The following SV2A variants were observed in gnomAD, a reference collection of about 807,000 sequenced individuals.
The protein encoded by SV2A is synaptic vesicle glycoprotein 2A.
In SV2A, 25 loss-of-function variants were observed where a neutral mutation model predicts 78.0. The observed-to-expected ratio is 0.32, with a 90% CI of 0.23 to 0.45. The LOEUF (loss-of-function observed/expected upper bound fraction) is 0.45. Ranked by LOEUF, SV2A falls within the 20% of genes least tolerant of loss-of-function variation. The probability of loss-of-function intolerance (pLI) is 1.00; values close to 1 mark genes in which losing one functional copy is unlikely to be tolerated. For synonymous variants in SV2A, 355 were observed against 384.7 expected (o/e 0.92, Z 0.90); for missense variants, 752 against 971.5 (o/e 0.77, Z 3.00).
Position 149,904,463 on chromosome 1 carries a change from CA to C in SV2A, c.*550del, listed in dbSNP as rs2092419876. 1 of 152,958 alleles carries C rather than the reference CA, an allele frequency of 6.5e-6. No homozygotes were observed. The highest frequency in any genetic ancestry group is 1.5e-5 in the Non-Finnish European group (1 of 68,286). 9.5% of individuals were successfully genotyped at this position (152,958 alleles called of 1,614,324 possible). A position where few individuals can be genotyped will look rare whatever the true frequency, so the allele number is the denominator to read the frequency against. On this transcript the variant is annotated 3_prime_UTR_variant, in exon 13 of 13. Coordinates refer to ENST00000369146, the MANE Select transcript of SV2A (RefSeq NM_014849.5). ...TCATAAAATTCAGGCTTCATATTTG[CA>C]GCCCAAATTGAGAGGAAAGTGGAGG...
intron 10 of SV2A, chr1:149,907,062 A>C: frequency 3.4e-6 from 3 of 882,628 alleles, no homozygotes; most frequent in Non-Finnish European, 4.1e-6. Context: ...TCTGTCCAAC[A>C]GTGTGACTTT....
In SV2A at chr1:149,909,846, A is replaced by C. The variant is rs141726737; in HGVS notation, c.1134T>G (p.His378Gln). Residue 378 changes from histidine to glutamine, a missense_variant, in exon 6 of 13, where the codon CAT (histidine) becomes CAG (glutamine). Coordinates refer to ENST00000369146, the MANE Select transcript of SV2A (RefSeq NM_014849.5). ...DEAWMVLKQV[H>Q]DTNMRAKGHP... ...GTCCTTTGGCTCGCATGTTGGTATC[A>C]TGGACCTGCTTCAGCACCATCCAGG... is the stretch of plus-strand genomic sequence containing the variant. The C allele has an allele frequency of 6.2e-7, 1 of 1,613,966 alleles. No homozygotes were observed. The highest frequency in any genetic ancestry group is 8.5e-7 in the Non-Finnish European group (1 of 1,179,996).
Position 149,909,468 on chromosome 1 carries a change from C to G in SV2A, c.1283G>C (p.Gly428Ala), listed in dbSNP as rs782532343. The G allele has an allele frequency of 1.8e-5, 29 of 1,613,596 alleles. No homozygotes were observed. Among genetic ancestry groups the G allele is most frequent in the Middle Eastern group, 1.6e-4 (1 of 6,084 alleles). ...QRWGVRALSL[G>A]GQVWGNFLSC... ...CACCCCGTCCACCATTACCTGCCCC[C>G]CTAGGCTCAAGGCCCGGACCCCCCA... Residue 428 changes from glycine (G) to alanine (A), a missense_variant, in exon 7 of 13, where the codon GGG becomes GCG. This residue lies in a region of SV2A where 136 missense variants were observed against 132.3 expected (regional missense o/e 1.03). Coordinates refer to ENST00000369146, the MANE Select transcript of SV2A (RefSeq NM_014849.5).
chr1:149,906,654 C>T lies in SV2A; in HGVS notation c.1881G>A (p.Met627Ile). 2 of 1,614,156 alleles carry T rather than the reference C, an allele frequency of 1.2e-6. No homozygotes were observed. The highest frequency in any genetic ancestry group is 1.7e-6 in the Non-Finnish European group (2 of 1,180,026). ...GACTCAGCCTCTCCCCCTTACCAAG[C>T]ATTCTGAGCCTGCCGATCTTGTCCA... ...LLMDKIGRLR[M>I]LAGSSVMSCV... The change falls in exon 11 of 13, where the codon ATG (methionine) becomes ATA (isoleucine). Residue 627 changes from methionine (M) to isoleucine (I), a missense_variant. Around this residue, in one of 7 missense-constraint regions of SV2A, gnomAD observed 186 missense variants for 274.6 expected, o/e 0.68. Transcript: ENST00000369146.
rs2092464349 is a variant in SV2A at position 149,909,856 on chromosome 1, T to A, written c.1124A>T (p.Lys375Met). Residue 375 changes from lysine (K) to methionine (M), a missense_variant, in exon 6 of 13, where the codon AAG becomes ATG. Coordinates refer to ENST00000369146, the MANE Select transcript of SV2A (RefSeq NM_014849.5). ...TCGCATGTTGGTATCATGGACCTGC[T>A]TCAGCACCATCCAGGCCTCATCATG... ...GKHDEAWMVL[K>M]QVHDTNMRAK... is the part of the protein sequence containing the mutation. The A allele has an allele frequency of 6.2e-7, 1 of 1,614,082 alleles. No individual in the cohort carries two copies. The highest frequency in any genetic ancestry group is 2.2e-5 in the East Asian group (1 of 44,874).
intron 1 of SV2A, among the ~76,000 whole-genome samples, chr1:149,915,442 A>T (rs2092506549): frequency 5.3e-5 from 8 of 152,204 alleles, no homozygotes; most frequent in Admixed American, 5.2e-4. Context: ...AACCCAAGTA[A>T]AGTGGAGGAA....
In SV2A at chr1:149,909,530, A is replaced by G. The variant is rs781891472; in HGVS notation, c.1221T>C (p.Ile407=). The stretch of plus-strand genomic sequence containing the variant: ...AGGTCCCTGTGTCCGACTGGATCTC[A>G]ATCAATTCATCCTCCTGATGAATCG... ...IKTIHQEDEL[I]EIQSDTGTWY... Residue 407 remains isoleucine, a synonymous_variant, in exon 7 of 13, where the codon ATT becomes ATC. Transcript: ENST00000369146. 6 of 1,613,910 alleles carry G rather than the reference A, an allele frequency of 3.7e-6. No individual in the cohort carries two copies. Among genetic ancestry groups the G allele is most frequent in the Non-Finnish European group, 3.4e-6 (4 of 1,179,960 alleles).
chr1:149,909,724 G>A (rs2092463285), intron 6 of SV2A, 77 bp downstream of exon 6: 2 of 1,504,664 alleles, frequency 1.3e-6, no homozygotes, highest in Non-Finnish European at 1.8e-6. Context: ...TCTGAGGTGG[G>A]GGGTACTCAG....
In SV2A at chr1:149,913,797, G is replaced by A. The variant is rs782574888; in HGVS notation, c.44C>T (p.Ala15Val). 1 of 1,613,304 alleles carries A rather than the reference G, an allele frequency of 6.2e-7. No homozygotes were observed. Among genetic ancestry groups the A allele is most frequent in the Admixed American group, 1.7e-5 (1 of 59,986 alleles). The change falls in exon 2 of 13, where the codon GCC (alanine) becomes GTC (valine). Residue 15 changes from alanine to valine, a missense_variant. This residue lies in a region of SV2A where 291 missense variants were observed against 359.5 expected (regional missense o/e 0.81). Coordinates refer to ENST00000369146, the MANE Select transcript of SV2A (RefSeq NM_014849.5). ...FRDRAAFIRG[A>V]KDIAKEVKKH... ...TTTGACTTCCTTAGCAATGTCTTTGGCCCCACGGATGAAAGCTGCCCGGTC... is the reference window on the plus strand; with the variant it reads ...TTTGACTTCCTTAGCAATGTCTTTGACCCCACGGATGAAAGCTGCCCGGTC...
rs200597235 is a variant in SV2A at position 149,907,739 on chromosome 1, G to A, written c.1639C>T (p.Arg547Cys). The part of the protein sequence containing the change: ...EDVTSSNTFF[R>C]NCTFINTVFY... Reference sequence around the variant, plus strand: ...ACAGTGTTGATGAATGTGCAGTTGCGGAAAAACGTGTTGCTGGATGTGACA... The same window carrying A: ...ACAGTGTTGATGAATGTGCAGTTGCAGAAAAACGTGTTGCTGGATGTGACA... The change falls in exon 10 of 13, where the codon CGC becomes TGC. Residue 547 changes from arginine to cysteine, a missense_variant. By Grantham distance (180) the Arg-to-Cys change is radical. This residue lies in a region of SV2A where 186 missense variants were observed against 274.6 expected (regional missense o/e 0.68). Coordinates refer to ENST00000369146, the MANE Select transcript of SV2A (RefSeq NM_014849.5). 26 of 1,614,066 alleles carry A rather than the reference G, an allele frequency of 1.6e-5. No homozygotes were observed. The highest frequency in any genetic ancestry group is 2.2e-5 in the East Asian group (1 of 44,882).
Position 149,909,811 on chromosome 1 carries a change from C to T in SV2A, c.1169G>A (p.Arg390Gln), listed in dbSNP as rs781813901. The T allele has an allele frequency of 3.3e-5, 53 of 1,613,718 alleles. No individual in the cohort carries two copies. The highest frequency in any genetic ancestry group is 4.2e-5 in the Non-Finnish European group (50 of 1,180,018). Residue 390 changes from arginine to glutamine, a missense_variant, in exon 6 of 13, where the codon CGA becomes CAA. Arg to Gln is a conservative substitution (Grantham distance 43, BLOSUM62 1). Around this residue, in one of 7 missense-constraint regions of SV2A, gnomAD observed 136 missense variants for 132.3 expected, o/e 1.03. Coordinates refer to ENST00000369146, the MANE Select transcript of SV2A (RefSeq NM_014849.5). ...AGGGCTGTGGCTTACTGAGAACACTCGCTCAGGATGTCCTTTGGCTCGCAT... is the reference window on the plus strand; with the variant it reads ...AGGGCTGTGGCTTACTGAGAACACTTGCTCAGGATGTCCTTTGGCTCGCAT... ...TNMRAKGHPE[R>Q]VFSVTHIKTI...
Position 149,917,152 on chromosome 1 carries a change from C to G in SV2A, c.-348+587G>C, listed in dbSNP as rs587768957. On this transcript the variant is annotated intron_variant, in intron 1 of 12. Coordinates refer to ENST00000369146, the MANE Select transcript of SV2A (RefSeq NM_014849.5). ...ACCTTCACTCAACATCCCTTCCCCC[C>G]ACCCCGGAGCAACTGCCGCCAGCCC... 5.9e-5 allele frequency among the ~76,000 whole-genome samples: 9 copies of G among 152,100 alleles called. No individual in the cohort carries two copies. The South Asian group carries it at 1.7e-3, about 28-fold the overall frequency.
Position 149,913,576 on chromosome 1 carries a change from C to A in SV2A, c.265G>T (p.Glu89Ter). ...ASSDATEGHD[E>*]DDEIYEGEYQ... The stretch of plus-strand genomic sequence containing the variant: ...TCCCCTTCATAGATCTCATCATCCT[C>A]GTCATGGCCCTCAGTAGCATCACTG... The change falls in exon 2 of 13, where the codon GAG becomes TAG. Residue 89 changes from glutamate to a stop codon, truncating the protein, a stop_gained. Transcript: ENST00000369146. LOFTEE classifies it high-confidence loss of function. 1 of 1,614,106 alleles carries A rather than the reference C, an allele frequency of 6.2e-7. No individual in the cohort carries two copies. Among genetic ancestry groups the A allele is most frequent in the Non-Finnish European group, 8.5e-7 (1 of 1,180,024 alleles).
At chr1:149,912,010 G>A (rs2092478850) in intron 2 of SV2A, 30 bp from the exon 3 acceptor site, 1 of 1,601,442 alleles carries the variant, frequency 6.2e-7, no homozygotes, top group Non-Finnish European at 8.5e-7. Flanking sequence ...AGGCAGAGGG[G>A]GTGTGAGCAG....
rs1553764132 is a variant in SV2A at position 149,913,612 on chromosome 1, C to A, written c.229G>T (p.Gly77Cys). 6.2e-7 allele frequency: 1 copy of A among 1,614,190 alleles called. No individual in the cohort carries two copies. The highest frequency in any genetic ancestry group is 8.5e-7 in the Non-Finnish European group (1 of 1,180,038). Residue 77 changes from glycine (G) to cysteine (C), a missense_variant, in exon 2 of 13, where the codon GGT becomes TGT. Gly to Cys is a radical substitution (Grantham distance 159). Around this residue, in one of 7 missense-constraint regions of SV2A, gnomAD observed 291 missense variants for 359.5 expected, o/e 0.81. Coordinates refer to ENST00000369146, the MANE Select transcript of SV2A (RefSeq NM_014849.5). ...TCAGTAGCATCACTGGATGCACCAC[C>A]TTCCTCCTCATCCTGGGTCCCTTCT... ...RGEGTQDEEEGGASSDATEGH... is the reference protein window; with the variant it reads ...RGEGTQDEEECGASSDATEGH...
intron 6 of SV2A, 64 bp downstream of exon 6, chr1:149,909,737 A>T: frequency 6.4e-7 from 1 of 1,568,484 alleles, no homozygotes; most frequent in Non-Finnish European, 8.8e-7. Flanking sequence ...GTACTCAGAG[A>T]GGGGCCAGGT....
intron 12 of SV2A, 140 bp downstream of exon 12, chr1:149,905,740 G>T: frequency 8.0e-7 from 1 of 1,246,712 alleles, no homozygotes; most frequent in Non-Finnish European, 1.1e-6. Context: ...ACCGTGCCCG[G>T]CCAAAGCTAC....
At chr1:149,908,794 T>C (rs587743111) in intron 8 of SV2A, among the ~76,000 whole-genome samples, 42 of 152,190 alleles carry the variant, frequency 2.8e-4, no homozygotes, top group Middle Eastern at 3.4e-3. Context: ...CCCACCACCA[T>C]GCCCGGCTAA....
Position 149,914,031 on chromosome 1 carries a change from G to A in SV2A, c.-191C>T, listed in dbSNP as rs577935. The A allele has an allele frequency of 0.098, 81,362 of 830,666 alleles. 4,479 individuals carry two copies. The highest frequency in any genetic ancestry group is 0.12 in the South Asian group (5,873 of 49,676). The allele number at this position is 830,666 out of a possible 1,614,324, so 51.5% of individuals were successfully genotyped here. ...ATGAGTGCCTAGGAAGGAAAAGGAA[G>A]GAGAGGAGCTTTGACCTATACCCAG... is the stretch of plus-strand genomic sequence containing the variant. On this transcript the variant is annotated 5_prime_UTR_variant, in exon 2 of 13. Coordinates refer to ENST00000369146, the MANE Select transcript of SV2A (RefSeq NM_014849.5).
Sources: gnomAD v4.1 joint callset for allele counts (sites outside exome capture counted in the v4.1 genomes callset) on GRCh38, gnomAD v4.1.1 for gene constraint, gnomAD v4.1.1 regional missense constraint, MANE v1.5 for transcripts, NCBI Gene and HGNC (gene_info 2026-07-23, HGNC 2026-07-21) for gene names.